MSH4: variants seen among roughly 807,000 people sequenced by gnomAD.
MSH4 encodes the protein mutS homolog 4, also known as mutS protein homolog 4.
MSH4 carries 106 observed loss-of-function variants against 113.7 expected under a neutral mutation model. The ratio of observed to expected loss-of-function variants is 0.93; its 90% confidence interval spans 0.80 to 1.10. The LOEUF (loss-of-function observed/expected upper bound fraction) is 1.10, where lower values mean the gene tolerates loss of function less well. Among genes scored for constraint, MSH4 ranks in the 50% least tolerant of loss-of-function variants. The probability of loss-of-function intolerance (pLI) is 0.00; values close to 1 mark genes in which losing one functional copy is unlikely to be tolerated. For synonymous variants in MSH4, 368 were observed against 380.2 expected (o/e 0.97, Z 0.37); for missense variants, 1,061 against 1,093.7 (o/e 0.97, Z 0.42).
chr1:75,806,537 G>A (rs1360742683), intron 2 of MSH4, among the ~76,000 whole-genome samples: 2 of 151,972 alleles, frequency 1.3e-5, no homozygotes, highest in African/African-American at 4.8e-5. Context: ...ATGAGCCACC[G>A]CGCCCGGCCT....
chr1:75,853,055 CTTTGTTTG>C (rs71813389), intron 8 of MSH4, among the ~76,000 whole-genome samples: 21 of 151,330 alleles, frequency 1.4e-4, no homozygotes, highest in Non-Finnish European at 2.7e-4. Context: ...AACTATTTTT[CTTTGTTTG>C]TTTGTTTGTT....
intron 8 of MSH4, 78 bp downstream of exon 8, chr1:75,848,354 G>A (rs1410265023): frequency 3.8e-6 from 4 of 1,054,300 alleles, no homozygotes; most frequent in South Asian, 1.5e-5. Context: ...TGTAACAATT[G>A]GAAAATATCA....
chr1:75,833,823 T>G (rs1226529747), intron 7 of MSH4, among the ~76,000 whole-genome samples: 2 of 152,206 alleles, frequency 1.3e-5, no homozygotes, highest in Non-Finnish European at 2.9e-5. Flanking sequence ...CCTAAAACCT[T>G]AAGAACCCTA....
intron 15 of MSH4, among the ~76,000 whole-genome samples, chr1:75,885,952 ATGATGTATTATATAG>A (rs1557524505): frequency 2.0e-4 from 24 of 117,632 alleles, no homozygotes; most frequent in Admixed American, 1.2e-3. Context: ...TATAATATAT[ATGATGTATTATATAG>A]CATGTATAGT....
chr1:75,827,595 C>G (rs1438098811), intron 7 of MSH4, among the ~76,000 whole-genome samples: 2 of 150,688 alleles, frequency 1.3e-5, no homozygotes, highest in Non-Finnish European at 2.9e-5. Flanking sequence ...GGAGACCCAT[C>G]TCACATGCAA....
At chr1:75,826,990 G>A (rs566045405) in intron 7 of MSH4, among the ~76,000 whole-genome samples, 1 of 152,232 alleles carries the variant, frequency 6.6e-6, no homozygotes, top group East Asian at 1.9e-4. Context: ...GTTCAGAGCT[G>A]GGTTCAAGTC....
chr1:75,808,340 CTG>C (rs1421251373), intron 3 of MSH4, among the ~76,000 whole-genome samples: 3 of 152,108 alleles, frequency 2.0e-5, no homozygotes, highest in Non-Finnish European at 4.4e-5. Context: ...CTGCTCATAA[CTG>C]TTATTATACC....
chr1:75,828,587 A>G (rs1244071555), intron 7 of MSH4, among the ~76,000 whole-genome samples: 1 of 152,178 alleles, frequency 6.6e-6, no homozygotes, highest in Non-Finnish European at 1.5e-5. Flanking sequence ...GTTCTTACTT[A>G]TATGTGGGAG....
chr1:75,821,989 G>T (rs998438457), intron 6 of MSH4, among the ~76,000 whole-genome samples: 14 of 151,960 alleles, frequency 9.2e-5, no homozygotes, highest in African/African-American at 3.4e-4. Context: ...TAAAGTTTAA[G>T]AATCATTGCT....
At chr1:75,884,638 C>T (rs1465076092) in intron 15 of MSH4, among the ~76,000 whole-genome samples, 1 of 151,980 alleles carries the variant, frequency 6.6e-6, no homozygotes, top group East Asian at 1.9e-4. Flanking sequence ...CCTCACCCCA[C>T]CATACACACA....
chr1:75,906,576 AAT>A (rs1457336674), intron 19 of MSH4, among the ~76,000 whole-genome samples: 1 of 82,750 alleles, frequency 1.2e-5, no homozygotes, highest in Non-Finnish European at 2.2e-5. Context: ...TATAAATTTA[AAT>A]ATATATATTT....
intron 8 of MSH4, among the ~76,000 whole-genome samples, chr1:75,856,462 GGT>G (rs1651320909): frequency 6.6e-6 from 1 of 151,968 alleles, no homozygotes; most frequent in African/African-American, 2.4e-5. Flanking sequence ...GACAGGCCCC[GGT>G]GTGTGGTGTT....
At chr1:75,857,886 T>A (rs540923800) in intron 8 of MSH4, among the ~76,000 whole-genome samples, 3 of 152,358 alleles carry the variant, frequency 2.0e-5, no homozygotes, top group Admixed American at 6.5e-5. Context: ...TATTGATTCT[T>A]CTTATCCATG....
Position 75,886,865 on chromosome 1 carries a change from C to T in MSH4, c.2108-2386C>T, listed in dbSNP as rs540020613. Among the ~76,000 whole-genome samples, 358 of 143,990 alleles carry T rather than the reference C, an allele frequency of 2.5e-3. 1 individual carries two copies. Among genetic ancestry groups the T allele is most frequent in the African/African-American group, 8.6e-3 (339 of 39,358 alleles). The allele number at this position is 143,990 out of a possible 152,430, so 94.5% of individuals were successfully genotyped here. On this transcript the variant is annotated intron_variant, in intron 15 of 19. Coordinates refer to ENST00000263187, the MANE Select transcript of MSH4 (RefSeq NM_002440.4). Reference sequence around the variant, plus strand: ...TATATATATATATATATTACCTTCACATTTATTTCACATTTATTCTCCTAG... The same window carrying T: ...TATATATATATATATATTACCTTCATATTTATTTCACATTTATTCTCCTAG...
chr1:75,803,908 A>G lies in MSH4; in HGVS notation c.422A>G (p.Tyr141Cys). The G allele has an allele frequency of 6.7e-7, 1 of 1,486,352 alleles. No individual in the cohort carries two copies. Among genetic ancestry groups the G allele is most frequent in the Non-Finnish European group, 8.9e-7 (1 of 1,117,526 alleles). The allele number at this position is 1,486,352 out of a possible 1,614,324, so 92.1% of individuals were successfully genotyped here. The change falls in exon 2 of 20, where the codon TAT (tyrosine) becomes TGT (cysteine). Residue 141 changes from tyrosine to cysteine, a missense_variant. Physicochemically the swap from Tyr to Cys is radical, Grantham distance 194. Coordinates refer to ENST00000263187, the MANE Select transcript of MSH4 (RefSeq NM_002440.4). ...AAGAGCTGGACACCACAAGTGGGAT[A>G]TTCAGGTAAAATAAGTGGAAGATTA... ...GYKSWTPQVG[Y>C]SASSSSAISA... is the part of the protein sequence containing the mutation.
chr1:75,805,935 G>A (rs1650049846), intron 2 of MSH4, among the ~76,000 whole-genome samples: 1 of 151,666 alleles, frequency 6.6e-6, no homozygotes, highest in Non-Finnish European at 1.5e-5. Flanking sequence ...TGGTTATTAT[G>A]GTATGCTCTT....
intron 6 of MSH4, 150 bp from the exon 7 acceptor site, chr1:75,822,259 A>G: frequency 1.0e-5 from 5 of 484,598 alleles, no homozygotes; most frequent in Non-Finnish European, 1.7e-5. Flanking sequence ...ACTGTACTCC[A>G]TACTGGGAGA....
chr1:75,823,205 C>T (rs1050196500), intron 7 of MSH4, among the ~76,000 whole-genome samples: 4 of 152,150 alleles, frequency 2.6e-5, no homozygotes, highest in Non-Finnish European at 5.9e-5. Flanking sequence ...TTCACATTGT[C>T]GTCTTATAAA....
chr1:75,801,568 C>CA (rs35300428), intron 1 of MSH4, among the ~76,000 whole-genome samples: 28,954 of 112,494 alleles, frequency 0.26, 3,664 homozygotes, highest in Middle Eastern at 0.44. Context: ...AACTCCATCT[C>CA]AAAAAAAAAA....
Sources: gnomAD v4.1 joint callset for allele counts (sites outside exome capture counted in the v4.1 genomes callset) on GRCh38, gnomAD v4.1.1 for gene constraint, MANE v1.5 for transcripts, NCBI Gene and HGNC (gene_info 2026-07-23, HGNC 2026-07-21) for gene names.